PHLDB2: variants seen among roughly 807,000 people sequenced by gnomAD.
PHLDB2 encodes pleckstrin homology-like domain family B member 2.
Under a neutral mutation model 123.6 loss-of-function variants are expected in PHLDB2, and 71 were observed. The ratio of observed to expected loss-of-function variants is 0.57; its 90% CI spans 0.47 to 0.70. The LOEUF (loss-of-function observed/expected upper bound fraction) is 0.70, where lower values mean the gene tolerates loss of function less well. Ranked by LOEUF, PHLDB2 falls within the 30% of genes least tolerant of loss-of-function variation. The pLI is 0.00. For missense variants in PHLDB2, 1,446 were observed against 1,519.5 expected (o/e 0.95, Z 0.80); for synonymous variants, 547 against 541.6 (o/e 1.01, Z -0.14).
chr3:111,768,881 G>C (rs2060127119), intron 1 of PHLDB2, among the ~76,000 whole-genome samples: 1 of 152,130 alleles, frequency 6.6e-6, no homozygotes, highest in Non-Finnish European at 1.5e-5. Flanking sequence ...GCATACCATT[G>C]AACCCACTCC....
intron 9 of PHLDB2, 37 bp downstream of exon 9, chr3:111,945,394 TAGAA>T: frequency 1.4e-6 from 2 of 1,421,676 alleles, no homozygotes; most frequent in African/African-American, 2.8e-5. Flanking sequence ...TATGTTGCCT[TAGAA>T]ATCAGGAGAT....
intron 9 of PHLDB2, among the ~76,000 whole-genome samples, chr3:111,946,673 G>A (rs1009490641): frequency 4.6e-5 from 7 of 152,216 alleles, no homozygotes; most frequent in Admixed American, 2.0e-4. Context: ...TAGCAAGGTG[G>A]GTAAGGGTGC....
In PHLDB2 at chr3:111,976,171, AAT is replaced by A. The variant is rs2072473134; in HGVS notation, c.*1609_*1610del. On this transcript the variant is annotated 3_prime_UTR_variant, in exon 18 of 18. Transcript: ENST00000431670. ...CTTCATAGGATTGTAAAGGTGTTCT[AAT>A]CCAATTGCATGATGTAGTAAGCCTC... The A allele has an allele frequency of 6.6e-6, 1 of 152,534 alleles. No homozygotes were observed. Among genetic ancestry groups the A allele is most frequent in the South Asian group, 2.1e-4 (1 of 4,832 alleles). 9.4% of individuals were successfully genotyped at this position (152,534 alleles called of 1,614,324 possible).
intron 8 of PHLDB2, among the ~76,000 whole-genome samples, chr3:111,944,568 G>A (rs1408158422): frequency 2.6e-5 from 4 of 151,906 alleles, no homozygotes; most frequent in African/African-American, 7.3e-5. Context: ...TACATCATCA[G>A]ATATTATGTC....
chr3:111,950,702 G>A (rs895637012), intron 10 of PHLDB2, among the ~76,000 whole-genome samples: 11 of 152,134 alleles, frequency 7.2e-5, no homozygotes, highest in Admixed American at 7.2e-4. Flanking sequence ...CACTGATGTA[G>A]GCGAGCTCTG....
chr3:111,787,286 AAGTTTAAT>A (rs2060723296), intron 1 of PHLDB2, among the ~76,000 whole-genome samples: 1 of 152,188 alleles, frequency 6.6e-6, no homozygotes, highest in African/African-American at 2.4e-5. Context: ...CCTGTTTAAA[AAGTTTAAT>A]AATTTGCCAT....
chr3:111,900,500 C>A (rs572798576), intron 2 of PHLDB2, among the ~76,000 whole-genome samples: 26 of 152,218 alleles, frequency 1.7e-4, no homozygotes, highest in Middle Eastern at 6.8e-3. Context: ...GGGAGAGAGA[C>A]AGGGAAATGG....
At chr3:111,770,819 G>A (rs2060163453) in intron 1 of PHLDB2, among the ~76,000 whole-genome samples, 1 of 152,188 alleles carries the variant, frequency 6.6e-6, no homozygotes, top group Non-Finnish European at 1.5e-5. Context: ...GATGAGCAAA[G>A]GGAGACAAGA....
chr3:111,911,846 T>G (rs1211588338), intron 2 of PHLDB2: 2 of 797,440 alleles, frequency 2.5e-6, no homozygotes, highest in Non-Finnish European at 4.1e-6. Flanking sequence ...AATATCTGTC[T>G]TGTCATTTGA....
chr3:111,837,995 T>C lies in PHLDB2; in HGVS notation c.-48-7826T>C, dbSNP rs146129123. On this transcript the variant is annotated intron_variant, in intron 1 of 17. Transcript: ENST00000393923. ...AGGTGGAGGTTGCAGTAAGCTGAGATCGTCCCACCGCACTCCAGCCTGGGT... is the reference window on the plus strand; with the variant it reads ...AGGTGGAGGTTGCAGTAAGCTGAGACCGTCCCACCGCACTCCAGCCTGGGT... 3.4e-3 allele frequency among the ~76,000 whole-genome samples: 521 copies of C among 152,106 alleles called. 10 individuals carry two copies. Among genetic ancestry groups the C allele is most frequent in the Non-Finnish European group, 9.0e-4 (61 of 68,000 alleles).
chr3:111,900,752 G>A (rs559946945), intron 2 of PHLDB2, among the ~76,000 whole-genome samples: 162 of 152,328 alleles, frequency 1.1e-3, no homozygotes, highest in African/African-American at 3.0e-3. Flanking sequence ...AGACTTGCTC[G>A]CTGCAGGGTT....
intron 1 of PHLDB2, among the ~76,000 whole-genome samples, chr3:111,770,530 A>G (rs2060158383): frequency 6.6e-6 from 1 of 152,210 alleles, no homozygotes; most frequent in African/African-American, 2.4e-5. Flanking sequence ...CACCTACACA[A>G]ACACAAAATA....
At chr3:111,749,363 C>CA (rs2059732439) in intron 1 of PHLDB2, among the ~76,000 whole-genome samples, 2 of 151,656 alleles carry the variant, frequency 1.3e-5, no homozygotes, top group South Asian at 4.1e-4. Flanking sequence ...ATTTTAGTGG[C>CA]ATGTGAAAGA....
Position 111,805,520 on chromosome 3 carries a change from C to T in PHLDB2, c.-48-40301C>T, listed in dbSNP as rs1341400198. ...AGCTTGCAGTGAGCCGAGATTGCGC[C>T]GCTGCACTCCAGCCTGGGCGACAGA... On this transcript the variant is annotated intron_variant, in intron 1 of 17. Coordinates refer to the PHLDB2 transcript ENST00000393923. Among the ~76,000 whole-genome samples the T allele has an allele frequency of 1.3e-5, 2 of 149,654 alleles. 1 individual carries two copies. Among genetic ancestry groups the T allele is most frequent in the South Asian group, 4.4e-4 (2 of 4,572 alleles).
intron 2 of PHLDB2, chr3:111,845,945 T>C (rs2063962536): frequency 6.2e-7 from 1 of 1,611,800 alleles, no homozygotes; most frequent in Non-Finnish European, 8.5e-7. Flanking sequence ...GGTGAGAACT[T>C]TATTGTCAGA....
chr3:111,952,593 AG>A lies in PHLDB2; in HGVS notation c.2655del (p.Lys887AsnfsTer9). On this transcript the variant is annotated frameshift_variant, in exon 11 of 18. Coordinates refer to ENST00000431670, the MANE Select transcript of PHLDB2 (RefSeq NM_001134438.2). LOFTEE classifies it high-confidence loss of function. The stretch of plus-strand genomic sequence containing the variant: ...AAAGCACTTTAGAAGTCTGGAAGAA[AG>A]GAAAAAACAGCATAAAGAAGGCCTC... ...SKEHFRSLEE[R>X]KKQHKEGLYL... 6.2e-7 allele frequency: 1 copy of A among 1,612,804 alleles called. No homozygotes were observed. Among genetic ancestry groups the A allele is most frequent in the Non-Finnish European group, 8.5e-7 (1 of 1,179,606 alleles).
At chr3:111,780,235 G>T (rs1057498219) in intron 1 of PHLDB2, among the ~76,000 whole-genome samples, 1 of 144,658 alleles carries the variant, frequency 6.9e-6, no homozygotes, top group East Asian at 2.0e-4. Flanking sequence ...ATTTGCTAAC[G>T]CAGGAGTGGG....
chr3:111,894,360 G>T (rs976166417), intron 2 of PHLDB2, among the ~76,000 whole-genome samples: 2 of 151,644 alleles, frequency 1.3e-5, no homozygotes, highest in South Asian at 2.1e-4. Flanking sequence ...GAGTAATGCC[G>T]CAATAAACAT....
intron 5 of PHLDB2, among the ~76,000 whole-genome samples, chr3:111,924,579 G>A (rs77307719): frequency 0.024 from 3,665 of 152,374 alleles, 87 homozygotes; most frequent in South Asian, 0.083. Context: ...ATGCCAAAGC[G>A]TAAGACAGAA....
Sources: gnomAD v4.1 joint callset for allele counts (sites outside exome capture counted in the v4.1 genomes callset) on GRCh38, gnomAD v4.1.1 for gene constraint, MANE v1.5 for transcripts, NCBI Gene and HGNC (gene_info 2026-07-23, HGNC 2026-07-21) for gene names.